Variants in TCERG1L observed in about 807,000 individuals in gnomAD.
TCERG1L encodes transcription elongation regulator 1 like, also known as transcription elongation regulator 1-like protein.
A neutral mutation model predicts 56.3 loss-of-function variants in TCERG1L; 37 were observed. The observed-to-expected ratio is 0.66, with a 90% CI of 0.51 to 0.87. TCERG1L has a LOEUF of 0.87. Ranked by LOEUF, TCERG1L falls within the 40% of genes least tolerant of loss-of-function variation. TCERG1L has a pLI of 0.00. For synonymous variants in TCERG1L, 324 were observed against 326.3 expected, an observed-to-expected ratio of 0.99 and a Z score of 0.08; for missense variants, 799 against 774.2, an observed-to-expected ratio of 1.03 and a Z score of -0.38.
chr10:131,233,736 C>A (rs1360647189), intron 4 of TCERG1L, among the ~76,000 whole-genome samples: 5 of 152,090 alleles, frequency 3.3e-5, no homozygotes, highest in African/African-American at 1.2e-4. Context: ...TTACTTAACT[C>A]CTGCTATGCT....
At chr10:131,309,834 C>CAAAAAAAAAAAAAAAAAAAAAAAAAA (rs58892586) in intron 1 of TCERG1L, among the ~76,000 whole-genome samples, 4 of 49,824 alleles carry the variant, frequency 8.0e-5, no homozygotes, top group Admixed American at 2.7e-4. Flanking sequence ...GATTCTATGG[C>CAAAAAAAAAAAAAAAAAAAAAAAAAA]AAAAAAAAAA....
At chr10:131,125,546 C>T (rs866779357) in intron 8 of TCERG1L, among the ~76,000 whole-genome samples, 1 of 152,216 alleles carries the variant, frequency 6.6e-6, no homozygotes, top group African/African-American at 2.4e-5. Context: ...ATGAGACAAA[C>T]TTTGAAAGAT....
At chr10:131,226,373 G>T (rs546314853) in intron 4 of TCERG1L, among the ~76,000 whole-genome samples, 40 of 152,264 alleles carry the variant, frequency 2.6e-4, no homozygotes, top group Non-Finnish European at 4.3e-4. Flanking sequence ...CTCCATGCCC[G>T]GCTACCAATT....
At chr10:131,134,034 ACT>A (rs747022062) in intron 8 of TCERG1L, among the ~76,000 whole-genome samples, 21 of 152,074 alleles carry the variant, frequency 1.4e-4, no homozygotes, top group Non-Finnish European at 2.8e-4. Flanking sequence ...TGACCCCTAA[ACT>A]CAACCTCTGA....
intron 11 of TCERG1L, among the ~76,000 whole-genome samples, chr10:131,094,493 C>T (rs1169342212): frequency 2.0e-5 from 3 of 152,218 alleles, no homozygotes; most frequent in Non-Finnish European, 4.4e-5. Context: ...AAATAATTAG[C>T]AGACTCATGC....
intron 3 of TCERG1L, among the ~76,000 whole-genome samples, chr10:131,300,082 G>T (rs1325407678): frequency 6.6e-6 from 1 of 152,084 alleles, no homozygotes; most frequent in Non-Finnish European, 1.5e-5. Flanking sequence ...TACAGAGAAT[G>T]AATTCTTCTC....
intron 9 of TCERG1L, among the ~76,000 whole-genome samples, chr10:131,112,068 C>G (rs1196398182): frequency 7.0e-6 from 1 of 142,730 alleles, no homozygotes; most frequent in African/African-American, 2.5e-5. Context: ...TGACCAAAGG[C>G]CTCCGCTGGG....
chr10:131,132,961 G>A (rs1394687510), intron 8 of TCERG1L, among the ~76,000 whole-genome samples: 1 of 152,190 alleles, frequency 6.6e-6, no homozygotes, highest in Non-Finnish European at 1.5e-5. Context: ...GGAGCACTGG[G>A]GGAGAAGAGC....
intron 4 of TCERG1L, among the ~76,000 whole-genome samples, chr10:131,220,182 A>T (rs1845714816): frequency 2.0e-5 from 3 of 152,148 alleles, no homozygotes; most frequent in African/African-American, 7.2e-5. Context: ...CGAAGGGGAC[A>T]GCCCCCCAAC....
chr10:131,187,040 G>A (rs1271902259), intron 4 of TCERG1L, among the ~76,000 whole-genome samples: 1 of 152,180 alleles, frequency 6.6e-6, no homozygotes, highest in Non-Finnish European at 1.5e-5. Context: ...TGTCCTTCCA[G>A]CCCACTCTCT....
intron 4 of TCERG1L, among the ~76,000 whole-genome samples, chr10:131,178,955 G>C (rs569525457): frequency 6.6e-6 from 1 of 152,232 alleles, no homozygotes; most frequent in Admixed American, 6.5e-5. Flanking sequence ...ATCAGTGCTC[G>C]TGCGGTCCCT....
intron 4 of TCERG1L, among the ~76,000 whole-genome samples, chr10:131,183,697 C>G (rs979100491): frequency 6.6e-6 from 1 of 152,216 alleles, no homozygotes; most frequent in African/African-American, 2.4e-5. Context: ...ACTGACTCCC[C>G]CCTCATCTGA....
chr10:131,202,220 A>C (rs2918131), intron 4 of TCERG1L, among the ~76,000 whole-genome samples: 134,810 of 152,260 alleles, frequency 0.89, 59,864 homozygotes, highest in East Asian at 0.95. Context: ...TTAGAAACAG[A>C]CTGATGCCCC....
chr10:131,285,372 CA>C (rs199924932), intron 3 of TCERG1L, among the ~76,000 whole-genome samples: 4,602 of 72,970 alleles, frequency 0.063, 112 homozygotes, highest in African/African-American at 0.13. Context: ...AAGACTCTGT[CA>C]AAAAAAAAAA....
At chr10:131,179,199 G>A (rs61864070) in intron 4 of TCERG1L, among the ~76,000 whole-genome samples, 29,116 of 152,208 alleles carry the variant, frequency 0.19, 2,983 homozygotes, top group Middle Eastern at 0.27. Context: ...AACAGGAGCC[G>A]GCTGAGGCAG....
chr10:131,176,924 A>C (rs1846163479), intron 4 of TCERG1L, among the ~76,000 whole-genome samples: 1 of 119,312 alleles, frequency 8.4e-6, no homozygotes, highest in Admixed American at 8.7e-5. Context: ...AGATACATGC[A>C]CACAGACACG....
chr10:131,110,796 T>G (rs1589777116), intron 9 of TCERG1L, among the ~76,000 whole-genome samples: 1 of 143,924 alleles, frequency 6.9e-6, no homozygotes, highest in African/African-American at 2.5e-5. Flanking sequence ...GAAAAGGGGG[T>G]TCAATTCAAG....
intron 8 of TCERG1L, among the ~76,000 whole-genome samples, chr10:131,126,384 C>G (rs1393785204): frequency 6.6e-6 from 1 of 152,198 alleles, no homozygotes; most frequent in Non-Finnish European, 1.5e-5. Flanking sequence ...CTGGGAAGAG[C>G]TGAAGTCTCT....
intron 3 of TCERG1L, among the ~76,000 whole-genome samples, chr10:131,275,430 A>G (rs1365227446): frequency 6.6e-6 from 1 of 152,178 alleles, no homozygotes; most frequent in Non-Finnish European, 1.5e-5. Flanking sequence ...TAGGGATACT[A>G]ATGCGTTGTT....
Sources: gnomAD v4.1 joint callset for allele counts (sites outside exome capture counted in the v4.1 genomes callset) on GRCh38, gnomAD v4.1.1 for gene constraint, MANE v1.5 for transcripts, NCBI Gene and HGNC (gene_info 2026-07-23, HGNC 2026-07-21) for gene names.